The following KIDINS220 variants were observed in gnomAD, a reference collection of about 807,000 sequenced individuals.
KIDINS220 encodes the protein kinase D-interacting substrate of 220 kDa.
A neutral mutation model predicts 157.6 loss-of-function variants in KIDINS220; 63 were observed. The observed-to-expected ratio is 0.40, with a 90% CI of 0.33 to 0.49. The LOEUF (loss-of-function observed/expected upper bound fraction) is 0.49. Ranked by LOEUF, KIDINS220 falls within the 20% of genes least tolerant of loss-of-function variation. KIDINS220 has a pLI of 0.66. For missense variants in KIDINS220, 1,772 were observed against 2,171.2 expected (o/e 0.82, Z 3.65); for synonymous variants, 732 against 783.6 (o/e 0.93, Z 1.10).
chr2:8,782,524 C>G (rs1366290692), intron 17 of KIDINS220, among the ~76,000 whole-genome samples: 1 of 152,158 alleles, frequency 6.6e-6, no homozygotes, highest in East Asian at 1.9e-4. Flanking sequence ...GAAGAAATTG[C>G]ATCAATAATA....
intron 20 of KIDINS220, among the ~76,000 whole-genome samples, chr2:8,777,252 A>C (rs1430081845): frequency 6.6e-6 from 1 of 152,170 alleles, no homozygotes; most frequent in Non-Finnish European, 1.5e-5. Flanking sequence ...TTAAGTAATA[A>C]AGCAAATAAG....
chr2:8,803,079 A>T lies in KIDINS220; in HGVS notation c.652T>A (p.Ser218Thr). ...IVAVKGGYTQ[S>T]VKEILKRNPN... ...TTCCTCTTCAAAATTTCTTTTACTG[A>T]CTGTGTGTAACCTCCTTTCACTGCC... The change falls in exon 8 of 30, where the codon TCA (serine) becomes ACA (threonine). Residue 218 changes from serine (S) to threonine (T), a missense_variant. Ser to Thr is a moderately conservative substitution (Grantham distance 58, BLOSUM62 1). Around this residue, in one of 3 missense-constraint regions of KIDINS220, gnomAD observed 254 missense variants for 268.6 expected, o/e 0.95. Coordinates refer to ENST00000256707, the MANE Select transcript of KIDINS220 (RefSeq NM_020738.4). 5 of 1,612,682 alleles carry T rather than the reference A, an allele frequency of 3.1e-6. No homozygotes were observed. Among genetic ancestry groups the T allele is most frequent in the Non-Finnish European group, 4.2e-6 (5 of 1,179,928 alleles).
intron 8 of KIDINS220, 129 bp from the exon 9 acceptor site, chr2:8,800,627 TAA>T: frequency 1.5e-6 from 1 of 651,872 alleles, no homozygotes; most frequent in Admixed American, 2.9e-5. Flanking sequence ...TACCTCTAAA[TAA>T]GAGAAAAATG....
intron 26 of KIDINS220, 55 bp downstream of exon 26, chr2:8,747,090 C>A (rs1666685964): frequency 1.3e-6 from 2 of 1,502,702 alleles, no homozygotes; most frequent in African/African-American, 1.4e-5. Context: ...ACAGTCATTA[C>A]TGAGGCAGAA....
chr2:8,822,026 G>A (rs1042739581), intron 2 of KIDINS220, among the ~76,000 whole-genome samples: 1 of 152,014 alleles, frequency 6.6e-6, no homozygotes, highest in South Asian at 2.1e-4. Context: ...CATAATCCCC[G>A]CTCTACTACT....
At chr2:8,745,694 G>C (rs2148024137) in intron 26 of KIDINS220, among the ~76,000 whole-genome samples, 1 of 152,274 alleles carries the variant, frequency 6.6e-6, no homozygotes, top group East Asian at 1.9e-4. Context: ...AGCTACTCAG[G>C]AGGCTGAGGC....
chr2:8,803,284 C>G (rs1339923651), intron 7 of KIDINS220, among the ~76,000 whole-genome samples, 157 bp from the exon 8 acceptor site: 1 of 152,022 alleles, frequency 6.6e-6, no homozygotes, highest in Non-Finnish European at 1.5e-5. Context: ...AAATAAATAG[C>G]AAGAAACATA....
intron 1 of KIDINS220, among the ~76,000 whole-genome samples, chr2:8,832,085 C>T (rs901966548): frequency 2.0e-5 from 3 of 152,188 alleles, no homozygotes; most frequent in African/African-American, 4.8e-5. Flanking sequence ...CTGAAGCACC[C>T]GAGACTGAGC....
intron 22 of KIDINS220, among the ~76,000 whole-genome samples, chr2:8,756,114 T>C (rs1289949953): frequency 6.6e-6 from 1 of 152,240 alleles, no homozygotes; most frequent in Non-Finnish European, 1.5e-5. Flanking sequence ...GAGCACAGGA[T>C]GTCTTCCCAC....
intron 23 of KIDINS220, 111 bp downstream of exon 23, chr2:8,751,355 T>C (rs1667336053): frequency 2.4e-6 from 2 of 842,062 alleles, no homozygotes; most frequent in Admixed American, 2.7e-5. Flanking sequence ...AGTGCTTAGT[T>C]CAATACCTCT....
In KIDINS220 at chr2:8,733,528, G is replaced by C. The variant is rs769639699; in HGVS notation, c.3969C>G (p.Pro1323=). ...CTTCGAAGCTGAAGTTGAGTGTGTAGGGCGTCTGGCTGGAGAGCTCGGTGT... is the reference window on the plus strand; with the variant it reads ...CTTCGAAGCTGAAGTTGAGTGTGTACGGCGTCTGGCTGGAGAGCTCGGTGT... The part of the protein sequence containing the change: ...LPHTELSSQT[P]YTLNFSFEEL... Residue 1323 remains proline, a synonymous_variant, in exon 29 of 30, where the codon CCC becomes CCG. Transcript: ENST00000256707. The C allele has an allele frequency of 6.2e-7, 1 of 1,614,040 alleles. No individual in the cohort carries two copies. Among genetic ancestry groups the C allele is most frequent in the African/African-American group, 1.3e-5 (1 of 74,914 alleles).
rs1242846998 is a variant in KIDINS220 at position 8,731,247 on chromosome 2, G to A, written c.4789C>T (p.His1597Tyr). ...TCCGCCACTTCATTGTGCAGAGAGT[G>A]ATTGGGAGAACTTTCACTGGATCTC... The part of the protein sequence containing the change: ...GVRSSESSPN[H>Y]SLHNEVADDS... Residue 1597 changes from histidine to tyrosine, a missense_variant, in exon 30 of 30, where the codon CAC (histidine) becomes TAC (tyrosine). Physicochemically the swap from His to Tyr is moderately conservative, Grantham distance 83. Coordinates refer to ENST00000256707, the MANE Select transcript of KIDINS220 (RefSeq NM_020738.4). This position sits in a 1 kb window ranked among gnomAD's most constrained non-coding sequence, Gnocchi z 5.2. 6.2e-7 allele frequency: 1 copy of A among 1,614,090 alleles called. No homozygotes were observed. The highest frequency in any genetic ancestry group is 1.7e-5 in the Admixed American group (1 of 60,020).
At chr2:8,796,083 T>G (rs570970831) in intron 11 of KIDINS220, among the ~76,000 whole-genome samples, 165 of 152,334 alleles carry the variant, frequency 1.1e-3, no homozygotes, top group East Asian at 4.2e-3. Context: ...TTTGTTTAAC[T>G]GCCTTATAAC....
At chr2:8,796,032 G>A (rs534750675) in intron 11 of KIDINS220, among the ~76,000 whole-genome samples, 92 of 152,222 alleles carry the variant, frequency 6.0e-4, no homozygotes, top group African/African-American at 2.1e-3. Context: ...TTGTAACATG[G>A]CAAAATGAAA....
At chr2:8,791,513 T>C (rs1673186753) in intron 12 of KIDINS220, among the ~76,000 whole-genome samples, 1 of 152,208 alleles carries the variant, frequency 6.6e-6, no homozygotes, top group South Asian at 2.1e-4. Context: ...TGATACATCA[T>C]TTTTATGTAT....
chr2:8,784,654 T>C (rs1311619307), intron 17 of KIDINS220, among the ~76,000 whole-genome samples: 1 of 152,092 alleles, frequency 6.6e-6, no homozygotes, highest in Non-Finnish European at 1.5e-5. Flanking sequence ...AATAAGCACA[T>C]GAAAATATGC....
chr2:8,750,468 T>TA, intron 23 of KIDINS220, 133 bp from the exon 24 acceptor site: 2 of 566,446 alleles, frequency 3.5e-6, no homozygotes, highest in Non-Finnish European at 5.4e-6. Flanking sequence ...CCAACTAGAT[T>TA]AAAAAAGAAG....
intron 22 of KIDINS220, among the ~76,000 whole-genome samples, chr2:8,760,596 T>C (rs1157639289): frequency 6.6e-6 from 1 of 152,216 alleles, no homozygotes; most frequent in East Asian, 1.9e-4. Context: ...TGTCTACTCA[T>C]GATTTAGGAC....
chr2:8,796,113 A>T (rs910827797), intron 11 of KIDINS220, among the ~76,000 whole-genome samples: 8 of 152,218 alleles, frequency 5.3e-5, no homozygotes, highest in Non-Finnish European at 1.0e-4. Flanking sequence ...AACAAACTTC[A>T]ATCTATTATT....
Sources: gnomAD v4.1 joint callset for allele counts (sites outside exome capture counted in the v4.1 genomes callset) on GRCh38, gnomAD v4.1.1 for gene constraint, gnomAD v4.1.1 regional missense constraint, Gnocchi (gnomAD v3.1) non-coding constraint, MANE v1.5 for transcripts, NCBI Gene and HGNC (gene_info 2026-07-23, HGNC 2026-07-21) for gene names.